Variants in MCF2L observed in about 807,000 individuals in gnomAD.
MCF2L encodes guanine nucleotide exchange factor DBS.
MCF2L carries 97 observed loss-of-function variants against 153.4 expected under a neutral mutation model. The observed-to-expected ratio is 0.63, with a 90% CI of 0.54 to 0.75. MCF2L has a LOEUF of 0.75. Among genes scored for constraint, MCF2L ranks in the 30% least tolerant of loss-of-function variants. The pLI, the probability that MCF2L is intolerant of heterozygous loss-of-function variation, is 0.00. For synonymous variants in MCF2L, 659 were observed against 632.2 expected (o/e 1.04, Z -0.64); for missense variants, 1,347 against 1,495.2 (o/e 0.90, Z 1.64).
intron 12 of MCF2L, among the ~76,000 whole-genome samples, chr13:113,076,388 C>T (rs949172342): frequency 7.2e-5 from 11 of 152,246 alleles, no homozygotes; most frequent in African/African-American, 2.4e-4. Flanking sequence ...CCTCAGCCTC[C>T]TGAGTAGCTG....
intron 4 of MCF2L, among the ~76,000 whole-genome samples, chr13:113,049,186 A>G (rs1167020012): frequency 6.6e-6 from 1 of 152,204 alleles, no homozygotes. Context: ...AAGGCCAAGG[A>G]GGCAGGAGGC....
At chr13:112,977,419 A>AGGAC (rs1194870226) in intron 1 of MCF2L, among the ~76,000 whole-genome samples, 1 of 152,092 alleles carries the variant, frequency 6.6e-6, no homozygotes, top group Non-Finnish European at 1.5e-5. Context: ...CAGCCAGGAG[A>AGGAC]GGACGGCCGC....
In MCF2L at chr13:112,958,344, C is replaced by A. The variant is rs2081783207; in HGVS notation, c.169+55973C>A. Among the ~76,000 whole-genome samples the A allele has an allele frequency of 3.3e-5, 5 of 152,326 alleles. No individual in the cohort carries two copies. In the South Asian group the frequency reaches 1.0e-3, roughly 32 times the overall value. ...GGATTTCCATGTGACAGTCTGCAGG[C>A]AGGTGTCCGCTTCTCCGGGGGACCC... On this transcript the variant is annotated intron_variant, in intron 2 of 29. Coordinates refer to the MCF2L transcript ENST00000375608.
chr13:113,078,411 G>A lies in MCF2L; in HGVS notation c.1709G>A (p.Arg570Gln), dbSNP rs200280099. 5.4e-5 allele frequency: 87 copies of A among 1,612,650 alleles called. No individual in the cohort carries two copies. Among genetic ancestry groups the A allele is most frequent in the Non-Finnish European group, 5.7e-5 (67 of 1,179,728 alleles). Residue 570 changes from arginine to glutamine, a missense_variant, in exon 14 of 30, where the codon CGG becomes CAG. Arg to Gln is a conservative substitution (Grantham distance 43, BLOSUM62 1). Coordinates refer to ENST00000535094, the MANE Select transcript of MCF2L (RefSeq NM_001112732.3). ...TCCAGCTCCGAGGGCGGTGCGCTCCGGAGAGGGCCCTACCGGAGGGCCAAG... is the reference window on the plus strand; with the variant it reads ...TCCAGCTCCGAGGGCGGTGCGCTCCAGAGAGGGCCCTACCGGAGGGCCAAG... ...ENSSSEGGAL[R>Q]RGPYRRAKSE...
chr13:113,088,331 C>T lies in MCF2L; in HGVS notation c.2693C>T (p.Pro898Leu). ...GCGTTTCTTTTGGGGAAACAGGCGC[C>T]AACTCCTGAGATTAAAGCCGCGTGG... is the stretch of plus-strand genomic sequence containing the variant. ...AREEVYIVQAPTPEIKAAWVN... is the reference protein window; with the variant it reads ...AREEVYIVQALTPEIKAAWVN... Residue 898 changes from proline to leucine, a missense_variant, in exon 24 of 30, where the codon CCA (proline) becomes CTA (leucine). This residue lies in a region of MCF2L where 383 missense variants were observed against 335.4 expected (regional missense o/e 1.14). Transcript: ENST00000535094. The T allele has an allele frequency of 1.2e-6, 2 of 1,613,974 alleles. No individual in the cohort carries two copies. The highest frequency in any genetic ancestry group is 1.7e-6 in the Non-Finnish European group (2 of 1,180,010).
chr13:112,961,082 T>TCTGCTATGCCTCCACGTTGCAC (rs1483559759), intron 2 of MCF2L, among the ~76,000 whole-genome samples: 1 of 20,602 alleles, frequency 4.9e-5, no homozygotes, highest in African/African-American at 2.0e-4. Context: ...CCAAGGGGAG[T>TCTGCTATGCCTCCACGTTGCAC]CTGCTATGCC....
chr13:113,064,456 C>T lies in MCF2L; in HGVS notation c.606+36C>T, dbSNP rs753168188. On this transcript the variant is annotated intron_variant, in intron 6 of 29. Coordinates refer to ENST00000535094, the MANE Select transcript of MCF2L (RefSeq NM_001112732.3). The surrounding 1 kb of genome is among the most constrained non-coding windows in gnomAD (Gnocchi z 6.0). ...TCGGGGCCAGCGGGGCTGGCTGATA[C>T]CAGCTCGAGTACTTCCACAGAATCG... 6.6e-5 allele frequency: 88 copies of T among 1,335,458 alleles called. No homozygotes were observed. The South Asian group carries it at 1.0e-3, about 15-fold the overall frequency. 82.7% of individuals were successfully genotyped at this position (1,335,458 alleles called of 1,614,324 possible).
At chr13:113,004,851 G>A (rs1171773766) in intron 1 of MCF2L, among the ~76,000 whole-genome samples, 2 of 152,256 alleles carry the variant, frequency 1.3e-5, no homozygotes, top group African/African-American at 4.8e-5. Flanking sequence ...TGGACCTTAC[G>A]AAGACAAGTT....
intron 2 of MCF2L, among the ~76,000 whole-genome samples, chr13:113,016,124 T>A (rs2084497836): frequency 6.6e-6 from 1 of 152,168 alleles, no homozygotes. Context: ...CGATCGTTCC[T>A]CAGACGCCAG....
intron 2 of MCF2L, among the ~76,000 whole-genome samples, chr13:112,928,995 G>A (rs2081435368): frequency 6.6e-6 from 1 of 152,216 alleles, no homozygotes; most frequent in African/African-American, 2.4e-5. Flanking sequence ...ACTGGAGCAT[G>A]TTAGAGCCAG....
At position 113,055,370 on chromosome 13, in the gene MCF2L, C is replaced by CCG. The variant is rs1491580288; in HGVS notation, c.370-5222_370-5221insGC. 5.9e-4 allele frequency among the ~76,000 whole-genome samples: 8 copies of CCG among 13,512 alleles called. 3 individuals are homozygous for CCG. The highest frequency in any genetic ancestry group is 8.9e-4 in the Non-Finnish European group (6 of 6,730). 8.9% of individuals were successfully genotyped at this position (13,512 alleles called of 152,430 possible). On this transcript the variant is annotated intron_variant, in intron 4 of 29. Transcript: ENST00000535094. The stretch of plus-strand genomic sequence containing the variant: ...TAGTTGCACCTGCTGGAGACGTGGA[C>CCG]CCCCCCCCCCGCCACACACACACAC...
At chr13:113,089,170 C>G (rs1211794027) in intron 25 of MCF2L, among the ~76,000 whole-genome samples, 1 of 18,054 alleles carries the variant, frequency 5.5e-5, no homozygotes, top group Non-Finnish European at 1.3e-4. Context: ...CACTCCCCCG[C>G]CCCCCCCCCC....
At position 113,082,550 on chromosome 13, in the gene MCF2L, C is replaced by G; in HGVS notation, c.1991+8C>G. 1 of 1,578,470 alleles carries G rather than the reference C, an allele frequency of 6.3e-7. No individual in the cohort carries two copies. The highest frequency in any genetic ancestry group is 8.7e-7 in the Non-Finnish European group (1 of 1,148,278). On this transcript the variant is annotated splice_region_variant and intron_variant, in intron 17 of 29. Transcript: ENST00000535094. ...CTATCACTTCCACAACAGGTGGGCC[C>G]TTCCCCCCGACACAGGCACGCACCC...
chr13:113,022,618 C>A (rs1270307001), intron 2 of MCF2L, among the ~76,000 whole-genome samples: 1 of 152,266 alleles, frequency 6.6e-6, no homozygotes, highest in Non-Finnish European at 1.5e-5. Context: ...CACCTCGTAG[C>A]TGGGGCGTGC....
intron 1 of MCF2L, among the ~76,000 whole-genome samples, chr13:112,986,039 G>A (rs1010491135): frequency 2.0e-5 from 3 of 152,248 alleles, no homozygotes; most frequent in Admixed American, 6.5e-5. Flanking sequence ...AGGGCCGTGC[G>A]TGGGGCTGAG....
At chr13:112,978,224 T>G (rs1443106645) in intron 1 of MCF2L, among the ~76,000 whole-genome samples, 1 of 152,192 alleles carries the variant, frequency 6.6e-6, no homozygotes, top group Non-Finnish European at 1.5e-5. Context: ...GGGTTCGTGG[T>G]CTCTGCTCCT....
In MCF2L at chr13:113,054,669, A is replaced by G. The variant is rs1400719619; in HGVS notation, c.370-5924A>G. 1 of 152,248 alleles carries G rather than the reference A, an allele frequency of 6.6e-6. No individual in the cohort carries two copies. Among genetic ancestry groups the G allele is most frequent in the Non-Finnish European group, 1.5e-5 (1 of 68,038 alleles). 9.4% of individuals were successfully genotyped at this position (152,248 alleles called of 1,614,324 possible). A position where few individuals can be genotyped will look rare whatever the true frequency, so the allele number is the denominator to read the frequency against. ...TAGGTGTGGCTTGGAGCAGACCTTAAGGAAGGTGATTTGAACTTGGGGAGG... is the reference window on the plus strand; with the variant it reads ...TAGGTGTGGCTTGGAGCAGACCTTAGGGAAGGTGATTTGAACTTGGGGAGG... On this transcript the variant is annotated intron_variant, in intron 4 of 29. Transcript: ENST00000535094. This position sits in a 1 kb window ranked among gnomAD's most constrained non-coding sequence, Gnocchi z 5.2.
intron 3 of MCF2L, among the ~76,000 whole-genome samples, chr13:113,041,938 G>A (rs1346847539): frequency 1.3e-5 from 2 of 152,182 alleles, no homozygotes; most frequent in African/African-American, 4.8e-5. Flanking sequence ...TCACAGCTAT[G>A]TGACTTTGGG....
chr13:112,970,707 C>T (rs536743526), intron 1 of MCF2L, among the ~76,000 whole-genome samples: 72 of 152,124 alleles, frequency 4.7e-4, no homozygotes, highest in African/African-American at 1.7e-3. Flanking sequence ...GAGTGGGAAC[C>T]GCTCCAGAGG....
Sources: gnomAD v4.1 joint callset for allele counts (sites outside exome capture counted in the v4.1 genomes callset) on GRCh38, gnomAD v4.1.1 for gene constraint, gnomAD v4.1.1 regional missense constraint, Gnocchi (gnomAD v3.1) non-coding constraint, MANE v1.5 for transcripts, NCBI Gene and HGNC (gene_info 2026-07-23, HGNC 2026-07-21) for gene names.